PCDHA3: variants seen among roughly 807,000 people sequenced by gnomAD.
The protein encoded by PCDHA3 is protocadherin alpha 3, also known as protocadherin alpha-3.
PCDHA3 carries 41 observed loss-of-function variants against 62.2 expected under a neutral mutation model. That is an observed-to-expected ratio of 0.66 (90% confidence interval 0.51 to 0.86). The LOEUF (loss-of-function observed/expected upper bound fraction) is 0.86, where lower values mean the gene tolerates loss of function less well. Among genes scored for constraint, PCDHA3 ranks in the 40% least tolerant of loss-of-function variants. PCDHA3 has a pLI of 0.00. For synonymous variants in PCDHA3, 640 were observed against 555.4 expected (o/e 1.15, Z -2.14); for missense variants, 1,304 against 1,241.2 (o/e 1.05, Z -0.76).
rs1554204518 is a variant in PCDHA3 at position 140,927,427 on chromosome 5, G to A, written c.2395-51522G>A. Reference sequence around the variant, plus strand: ...CCTGGACATGGGATCGCGGGTTGACGGCAGCGAATACCCGGAGTTGGTGTT... The same window carrying A: ...CCTGGACATGGGATCGCGGGTTGACAGCAGCGAATACCCGGAGTTGGTGTT... On this transcript the variant is annotated intron_variant, in intron 1 of 3. Transcript: ENST00000522353. 1.2e-6 allele frequency: 2 copies of A among 1,614,114 alleles called. No homozygotes were observed. Among genetic ancestry groups the A allele is most frequent in the Non-Finnish European group, 1.7e-6 (2 of 1,179,974 alleles).
chr5:140,967,324 G>A, intron 1 of PCDHA3: 4 of 1,609,186 alleles, frequency 2.5e-6, no homozygotes, highest in Non-Finnish European at 3.4e-6. Context: ...AGACCTACGA[G>A]CTCAGCCCCA....
At chr5:140,877,958 C>A in intron 1 of PCDHA3, 1 of 1,319,110 alleles carries the variant, frequency 7.6e-7, no homozygotes, top group Non-Finnish European at 1.0e-6. Flanking sequence ...AATGTCTCAT[C>A]TTTCTTGGTC....
chr5:140,972,660 A>AT (rs11350929), intron 1 of PCDHA3, among the ~76,000 whole-genome samples: 2,691 of 117,234 alleles, frequency 0.023, 50 homozygotes, highest in South Asian at 0.067. Context: ...AAGAAACCAA[A>AT]TTTTTTTTTT....
At chr5:140,880,759 T>C (rs2058465198) in intron 1 of PCDHA3, among the ~76,000 whole-genome samples, 1 of 152,188 alleles carries the variant, frequency 6.6e-6, no homozygotes. Context: ...TAACTGCGTG[T>C]TGGAGGCTAA....
chr5:140,853,979 T>A, intron 1 of PCDHA3: 2 of 564,826 alleles, frequency 3.5e-6, no homozygotes, highest in Non-Finnish European at 4.6e-6. Flanking sequence ...TTGAGACCAA[T>A]GTAGTGAGAC....
At chr5:140,893,088 T>C (rs1340937679) in intron 1 of PCDHA3, among the ~76,000 whole-genome samples, 2 of 152,372 alleles carry the variant, frequency 1.3e-5, no homozygotes, top group African/African-American at 4.8e-5. Flanking sequence ...CATTCTTTTT[T>C]ATGGCTGGAT....
At chr5:140,923,266 T>C (rs184590818) in intron 1 of PCDHA3, among the ~76,000 whole-genome samples, 1 of 152,284 alleles carries the variant, frequency 6.6e-6, no homozygotes, top group African/African-American at 2.4e-5. Context: ...TAGTGAGACC[T>C]TGTCTCTACA....
chr5:140,963,873 C>A (rs757553114), intron 1 of PCDHA3, among the ~76,000 whole-genome samples: 5 of 152,188 alleles, frequency 3.3e-5, no homozygotes, highest in Non-Finnish European at 5.9e-5. Flanking sequence ...GTTTTGCTTA[C>A]TATTGTTTTC....
At chr5:140,981,977 G>A (rs1321410399) in intron 2 of PCDHA3, among the ~76,000 whole-genome samples, 1 of 152,128 alleles carries the variant, frequency 6.6e-6, no homozygotes, top group African/African-American at 2.4e-5. Context: ...TATAGAAAGA[G>A]TAAAATAGAA....
chr5:140,966,374 C>G (rs2095995934), intron 1 of PCDHA3: 1 of 405,056 alleles, frequency 2.5e-6, no homozygotes, highest in South Asian at 1.3e-4. Flanking sequence ...GCTGAGCAGT[C>G]CGGGTTCGCT....
At chr5:140,810,734 C>T (rs1764721277) in intron 1 of PCDHA3, 1 of 151,768 alleles carries the variant, frequency 6.6e-6, no homozygotes, top group African/African-American at 2.4e-5. Context: ...TTTCTTATTA[C>T]TTAAACAAAT....
At chr5:140,951,523 G>A (rs868992487) in intron 1 of PCDHA3, among the ~76,000 whole-genome samples, 1 of 151,994 alleles carries the variant, frequency 6.6e-6, no homozygotes, top group Non-Finnish European at 1.5e-5. Context: ...ATCTTACATG[G>A]CCGGTGCAGG....
intron 1 of PCDHA3, among the ~76,000 whole-genome samples, chr5:140,943,885 T>C (rs762067236): frequency 6.6e-5 from 10 of 152,242 alleles, no homozygotes; most frequent in Non-Finnish European, 1.2e-4. Flanking sequence ...TTCATTGGAC[T>C]GGTCATTATG....
chr5:141,004,178 T>G (rs527276653), intron 3 of PCDHA3, among the ~76,000 whole-genome samples: 2 of 152,372 alleles, frequency 1.3e-5, no homozygotes, highest in South Asian at 2.1e-4. Flanking sequence ...CCAAGTGTCT[T>G]GAGTGCTCTT....
chr5:140,992,414 G>T (rs868994021), intron 3 of PCDHA3, among the ~76,000 whole-genome samples: 1 of 152,128 alleles, frequency 6.6e-6, no homozygotes, highest in African/African-American at 2.4e-5. Flanking sequence ...TCTGCCCCAG[G>T]TCTAAGAATA....
At chr5:140,822,537 A>T (rs2150117111) in intron 1 of PCDHA3, 1 of 1,613,856 alleles carries the variant, frequency 6.2e-7, no homozygotes, top group East Asian at 2.2e-5. Context: ...TGGAAAATGC[A>T]CCAAGTGGGA....
chr5:140,873,592 T>A (rs936003894), intron 1 of PCDHA3, among the ~76,000 whole-genome samples: 3 of 152,234 alleles, frequency 2.0e-5, no homozygotes, highest in African/African-American at 7.2e-5. Flanking sequence ...TAAGCTAAAC[T>A]TAGATGTTCC....
intron 1 of PCDHA3, among the ~76,000 whole-genome samples, chr5:140,949,698 T>G (rs188313112): frequency 6.6e-6 from 1 of 151,984 alleles, no homozygotes; most frequent in African/African-American, 2.4e-5. Flanking sequence ...TTGTTGGATC[T>G]TGCTGTTTTA....
intron 1 of PCDHA3, chr5:140,969,335 A>G (rs782267073): frequency 1.2e-6 from 2 of 1,614,012 alleles, no homozygotes; most frequent in Admixed American, 3.3e-5. Context: ...AAATGAGGTG[A>G]GACAGTGGTC....
Sources: gnomAD v4.1 joint callset for allele counts (sites outside exome capture counted in the v4.1 genomes callset) on GRCh38, gnomAD v4.1.1 for gene constraint, MANE v1.5 for transcripts, NCBI Gene and HGNC (gene_info 2026-07-23, HGNC 2026-07-21) for gene names.